Variants in M1AP observed in about 807,000 individuals in gnomAD.
M1AP encodes meiosis 1 arrest protein.
A neutral mutation model predicts 51.2 loss-of-function variants in M1AP; 39 were observed. The ratio of observed to expected loss-of-function variants is 0.76; its 90% CI spans 0.59 to 1.00. The LOEUF is 1.00. Among genes scored for constraint, M1AP ranks in the 50% least tolerant of loss-of-function variants. The probability of loss-of-function intolerance (pLI) is 0.00; values close to 1 mark genes in which losing one functional copy is unlikely to be tolerated. For synonymous variants in M1AP, 251 were observed against 249.2 expected (o/e 1.01, Z -0.07); for missense variants, 545 against 641.2 (o/e 0.85, Z 1.62).
intron 2 of M1AP, among the ~76,000 whole-genome samples, chr2:74,635,585 T>C (rs781428379): frequency 6.6e-6 from 1 of 152,082 alleles, no homozygotes; most frequent in East Asian, 1.9e-4. Context: ...TTGACTTTTC[T>C]CTTTTCTAAT....
chr2:74,568,722 G>A (rs1006248013), intron 7 of M1AP, among the ~76,000 whole-genome samples: 2 of 152,200 alleles, frequency 1.3e-5, no homozygotes, highest in Non-Finnish European at 2.9e-5. Context: ...TAGCAGACTT[G>A]GGAGCCAGTG....
chr2:74,632,996 T>C (rs535996934), intron 2 of M1AP, among the ~76,000 whole-genome samples: 16 of 152,328 alleles, frequency 1.1e-4, no homozygotes, highest in Admixed American at 2.0e-4. Flanking sequence ...CTGGATATCT[T>C]CTATTTGCCC....
At chr2:74,629,752 A>C (rs1682597787) in intron 2 of M1AP, among the ~76,000 whole-genome samples, 1 of 125,128 alleles carries the variant, frequency 8.0e-6, no homozygotes, top group South Asian at 2.3e-4. Context: ...ATTCTGTCTC[A>C]AAAAAAAAAA....
intron 4 of M1AP, among the ~76,000 whole-genome samples, chr2:74,605,863 C>T (rs1680955114): frequency 2.0e-5 from 3 of 151,148 alleles, no homozygotes; most frequent in Admixed American, 6.6e-5. Context: ...ATCGCGCCAC[C>T]GCACTCCAGC....
chr2:74,626,222 T>C (rs1558690843), intron 2 of M1AP, among the ~76,000 whole-genome samples: 3 of 152,068 alleles, frequency 2.0e-5, no homozygotes. Context: ...ATAGGTAATC[T>C]ATTATCATAG....
Position 74,619,789 on chromosome 2 carries a change from C to T in M1AP, c.241-4640G>A, listed in dbSNP as rs543585696. ...TGAAGAATAAGGAACTAGATTAAGA[C>T]TTGCACAGTGCCCGAGACCAATGCC... On this transcript the variant is annotated intron_variant, in intron 2 of 10. Transcript: ENST00000421985. Among the ~76,000 whole-genome samples, 5 of 152,258 alleles carry T rather than the reference C, an allele frequency of 3.3e-5. No individual in the cohort carries two copies. The South Asian group carries it at 1.0e-3, about 32-fold the overall frequency.
chr2:74,612,678 TATCTC>T (rs1470581228), intron 3 of M1AP, among the ~76,000 whole-genome samples: 1 of 152,136 alleles, frequency 6.6e-6, no homozygotes, highest in East Asian at 1.9e-4. Flanking sequence ...TCTTTTGCTC[TATCTC>T]ATAAGTTTTG....
intron 7 of M1AP, among the ~76,000 whole-genome samples, chr2:74,568,080 C>G (rs892891361): frequency 6.6e-6 from 1 of 152,204 alleles, no homozygotes; most frequent in African/African-American, 2.4e-5. Context: ...ATCACTACGA[C>G]TTAAGGGCAA....
intron 2 of M1AP, among the ~76,000 whole-genome samples, chr2:74,618,513 T>C (rs1053287975): frequency 2.0e-5 from 3 of 152,182 alleles, no homozygotes; most frequent in African/African-American, 7.2e-5. Flanking sequence ...TTCTGAGGTG[T>C]GGGTGTTGTG....
At chr2:74,628,468 T>C in intron 2 of M1AP, 1 of 422,546 alleles carries the variant, frequency 2.4e-6, no homozygotes, top group South Asian at 2.1e-5. Flanking sequence ...ACCATACCCA[T>C]GATAACCACT....
At chr2:74,617,667 TTAAAA>T (rs570710126) in intron 2 of M1AP, among the ~76,000 whole-genome samples, 85 of 152,284 alleles carry the variant, frequency 5.6e-4, no homozygotes, top group African/African-American at 1.8e-3. Flanking sequence ...ACCCTTGAAC[TTAAAA>T]TAAAAGTTAA....
At chr2:74,615,275 A>T (rs1303163470) in intron 2 of M1AP, 126 bp from the exon 3 acceptor site, 3 of 804,174 alleles carry the variant, frequency 3.7e-6, no homozygotes, top group Non-Finnish European at 5.9e-6. Context: ...TATTTGACCA[A>T]CATCTACTGA....
chr2:74,611,274 TG>T (rs1457564026), intron 3 of M1AP, among the ~76,000 whole-genome samples: 1 of 152,194 alleles, frequency 6.6e-6, no homozygotes, highest in African/African-American at 2.4e-5. Context: ...TTTAAATGTT[TG>T]GTAGAATTCA....
At chr2:74,624,921 G>C (rs1345102700) in intron 2 of M1AP, among the ~76,000 whole-genome samples, 1 of 152,070 alleles carries the variant, frequency 6.6e-6, no homozygotes, top group Non-Finnish European at 1.5e-5. Flanking sequence ...TTGTACTTAA[G>C]TTATTTTTGT....
Position 74,629,011 on chromosome 2 carries a change from T to A in M1AP, c.240+11025A>T, listed in dbSNP as rs569744198. On this transcript the variant is annotated intron_variant, in intron 2 of 10. Transcript: ENST00000421985. ...TTATCTTGCACGGGAATGTCTTTAG[T>A]GTTTTTCCATTAAGAACAATACTAA... The A allele has an allele frequency of 4.0e-5, 8 of 202,212 alleles. No homozygotes were observed. The East Asian group carries it at 1.1e-3, about 27-fold the overall frequency. The allele number at this position is 202,212 out of a possible 1,614,324, so 12.5% of individuals were successfully genotyped here.
intron 4 of M1AP, among the ~76,000 whole-genome samples, chr2:74,586,127 A>G (rs1302658445): frequency 6.6e-6 from 1 of 152,232 alleles, no homozygotes; most frequent in Admixed American, 6.5e-5. Flanking sequence ...CACCTCCTTC[A>G]TGAAGTCTGC....
intron 7 of M1AP, among the ~76,000 whole-genome samples, chr2:74,563,621 A>AC (rs1323655000): frequency 2.0e-5 from 3 of 151,688 alleles, no homozygotes; most frequent in Non-Finnish European, 4.4e-5. Flanking sequence ...AAAAAAAAAA[A>AC]AAAAAACATA....
intron 4 of M1AP, among the ~76,000 whole-genome samples, chr2:74,589,354 T>C (rs569808472): frequency 6.6e-6 from 1 of 152,340 alleles, no homozygotes; most frequent in Admixed American, 6.5e-5. Context: ...GGCACACTCA[T>C]GTATCAACAG....
At chr2:74,587,644 T>G (rs1679793596) in intron 4 of M1AP, among the ~76,000 whole-genome samples, 1 of 152,170 alleles carries the variant, frequency 6.6e-6, no homozygotes, top group African/African-American at 2.4e-5. Flanking sequence ...GGGAGGAGAC[T>G]TCTCAGACGT....
Sources: gnomAD v4.1 joint callset for allele counts (sites outside exome capture counted in the v4.1 genomes callset) on GRCh38, gnomAD v4.1.1 for gene constraint, MANE v1.5 for transcripts, NCBI Gene and HGNC (gene_info 2026-07-23, HGNC 2026-07-21) for gene names.